Variants in ZPBP observed in about 807,000 individuals in gnomAD.
The protein encoded by ZPBP is zona pellucida binding protein, also known as zona pellucida-binding protein 1.
In ZPBP, 26 loss-of-function variants were observed where a neutral mutation model predicts 44.8. The ratio of observed to expected loss-of-function variants is 0.58; its 90% CI spans 0.43 to 0.81. ZPBP has a LOEUF of 0.81. Ranked by LOEUF, ZPBP falls within the 30% of genes least tolerant of loss-of-function variation. ZPBP has a pLI of 0.00. For synonymous variants in ZPBP, 174 were observed against 153.2 expected (o/e 1.14, Z -1.00); for missense variants, 409 against 434.0 (o/e 0.94, Z 0.51).
intron 3 of ZPBP, among the ~76,000 whole-genome samples, chr7:50,066,857 T>C (rs1584157907): frequency 6.6e-6 from 1 of 152,036 alleles, no homozygotes; most frequent in Non-Finnish European, 1.5e-5. Flanking sequence ...AGTGGCTGGG[T>C]TTCACTGTAG....
At chr7:49,840,977 C>T in the ZPBP span, among the ~76,000 whole-genome samples, 143 of 152,286 alleles carry the variant, frequency 9.4e-4, no homozygotes, top group African/African-American at 3.3e-3. Context: ...CAGATGGTGT[C>T]AGGAGAAGAG....
chr7:50,021,556 T>C (rs980893574), intron 5 of ZPBP, among the ~76,000 whole-genome samples: 2 of 151,992 alleles, frequency 1.3e-5, no homozygotes, highest in Non-Finnish European at 2.9e-5. Flanking sequence ...ACCATATACA[T>C]GATGGGAGAC....
chr7:50,021,778 T>C lies in ZPBP; in HGVS notation c.707-3462A>G, dbSNP rs181422162. Among the ~76,000 whole-genome samples, 74 of 152,162 alleles carry C rather than the reference T, an allele frequency of 4.9e-4. 1 individual carries two copies. The East Asian group carries it at 9.5e-3, about 20-fold the overall frequency. On this transcript the variant is annotated intron_variant, in intron 5 of 7. Coordinates refer to ENST00000046087, the MANE Select transcript of ZPBP (RefSeq NM_007009.3). ...CTGAACATGCAGAGATACTGGGTGG[T>C]GGTGTGCCCAAAGTGGGCATGTAAG...
chr7:49,895,079 A>G (rs543560734), intron 2 of ZPBP, among the ~76,000 whole-genome samples: 4 of 152,348 alleles, frequency 2.6e-5, no homozygotes, highest in African/African-American at 9.6e-5. Context: ...TATAAACATC[A>G]GAAATGTATT....
chr7:50,041,385 C>T (rs567576024), intron 4 of ZPBP, among the ~76,000 whole-genome samples: 4 of 152,330 alleles, frequency 2.6e-5, no homozygotes, highest in South Asian at 2.1e-4. Context: ...CAGCAGGCGT[C>T]GACAGACACC....
At chr7:50,058,293 A>G (rs778960692) in intron 3 of ZPBP, 152 bp from the exon 4 acceptor site, 17 of 783,270 alleles carry the variant, frequency 2.2e-5, no homozygotes, top group Non-Finnish European at 2.8e-5. Context: ...GGTATCTGCT[A>G]ACAGTGGATG....
intron 1 of ZPBP, among the ~76,000 whole-genome samples, chr7:49,909,623 A>G (rs1303757398): frequency 6.6e-6 from 1 of 152,206 alleles, no homozygotes; most frequent in African/African-American, 2.4e-5. Flanking sequence ...GACATCATAA[A>G]TCTGGTGTTT....
intron 6 of ZPBP, among the ~76,000 whole-genome samples, chr7:49,993,452 A>G (rs753655729): frequency 1.9e-4 from 29 of 152,208 alleles, no homozygotes; most frequent in Non-Finnish European, 4.1e-4. Flanking sequence ...ATTGATTGAA[A>G]CATTCCAATT....
chr7:49,849,053 A>G (rs1290508042), downstream of ZPBP, among the ~76,000 whole-genome samples: 2 of 152,176 alleles, frequency 1.3e-5, no homozygotes, highest in African/African-American at 4.8e-5. Context: ...TTCATGTATG[A>G]CAAATGTGTT....
intron 2 of ZPBP, among the ~76,000 whole-genome samples, chr7:49,872,907 C>T (rs1583722444): frequency 3.7e-5 from 2 of 54,402 alleles, no homozygotes; most frequent in South Asian, 1.5e-3. Flanking sequence ...CAGAGCAAGA[C>T]TTTGTCTCAA....
chr7:49,913,220 G>A (rs990325661), intron 1 of ZPBP: 1 of 152,174 alleles, frequency 6.6e-6, no homozygotes, highest in Admixed American at 6.6e-5. Context: ...CACAAGCAGA[G>A]TGAGGAAGCA....
intron 3 of ZPBP, among the ~76,000 whole-genome samples, chr7:50,077,868 T>C (rs141986796): frequency 2.9e-4 from 44 of 151,984 alleles, no homozygotes; most frequent in African/African-American, 1.1e-3. Flanking sequence ...AGCTAACATA[T>C]GATCCAGCAA....
At chr7:49,884,707 T>C (rs1432567844) in intron 2 of ZPBP, among the ~76,000 whole-genome samples, 1 of 152,140 alleles carries the variant, frequency 6.6e-6, no homozygotes, top group Non-Finnish European at 1.5e-5. Context: ...CCTGTGAGAT[T>C]TACAGCCCAA....
At chr7:49,990,768 T>G (rs1797536176) in intron 6 of ZPBP, among the ~76,000 whole-genome samples, 1 of 152,224 alleles carries the variant, frequency 6.6e-6, no homozygotes, top group African/African-American at 2.4e-5. Context: ...TCTGTCCTAC[T>G]GGCCATGCCA....
chr7:50,014,671 G>A (rs574810025), intron 6 of ZPBP, among the ~76,000 whole-genome samples: 1 of 151,492 alleles, frequency 6.6e-6, no homozygotes, highest in South Asian at 2.1e-4. Flanking sequence ...CTCCATGTTG[G>A]GCAGGCTGGT....
chr7:49,967,976 GGTACTT>G (rs1796131032), intron 7 of ZPBP, among the ~76,000 whole-genome samples: 1 of 151,864 alleles, frequency 6.6e-6, no homozygotes, highest in Non-Finnish European at 1.5e-5. Flanking sequence ...ACTAACTCCT[GGTACTT>G]GTGTAACCAA....
At chr7:49,885,872 T>C (rs1444254150) in intron 2 of ZPBP, among the ~76,000 whole-genome samples, 1 of 152,244 alleles carries the variant, frequency 6.6e-6, no homozygotes, top group East Asian at 1.9e-4. Context: ...CTGGTAGGGC[T>C]ACAGGCCCTT....
At chr7:49,951,359 A>G (rs755903240) in intron 7 of ZPBP, among the ~76,000 whole-genome samples, 32 of 151,758 alleles carry the variant, frequency 2.1e-4, no homozygotes, top group Non-Finnish European at 4.1e-4. Flanking sequence ...TTACTACTCA[A>G]AAACAAACAA....
the ZPBP span, among the ~76,000 whole-genome samples, chr7:49,841,874 T>G: frequency 1.3e-5 from 2 of 149,902 alleles, no homozygotes; most frequent in Non-Finnish European, 3.0e-5. Flanking sequence ...ATTCAACTCT[T>G]TTTTTTTTTA....
Sources: gnomAD v4.1 joint callset for allele counts (sites outside exome capture counted in the v4.1 genomes callset) on GRCh38, gnomAD v4.1.1 for gene constraint, MANE v1.5 for transcripts, NCBI Gene and HGNC (gene_info 2026-07-23, HGNC 2026-07-21) for gene names.